Variants in RPS6KC1 observed in about 807,000 individuals in gnomAD.
RPS6KC1 encodes ribosomal protein S6 kinase C1.
Under a neutral mutation model 103.8 loss-of-function variants are expected in RPS6KC1, and 54 were observed. The ratio of observed to expected loss-of-function variants is 0.52; its 90% CI spans 0.42 to 0.65. The LOEUF is 0.65. Among genes scored for constraint, RPS6KC1 ranks in the 30% least tolerant of loss-of-function variants. RPS6KC1 has a pLI of 0.00. For synonymous variants in RPS6KC1, 439 were observed against 438.7 expected, an observed-to-expected ratio of 1.00 and a Z score of -0.01; for missense variants, 1,151 against 1,253.8, an observed-to-expected ratio of 0.92 and a Z score of 1.24.
the RPS6KC1 span, among the ~76,000 whole-genome samples, chr1:213,482,032 C>T: frequency 3.5e-3 from 534 of 152,294 alleles, 1 homozygote; most frequent in African/African-American, 0.012. Flanking sequence ...ATGTGAGACA[C>T]CTGCTCCTGC....
At chr1:213,077,583 A>G (rs1487752528) in intron 2 of RPS6KC1, 113 bp from the exon 3 acceptor site, 2 of 542,604 alleles carry the variant, frequency 3.7e-6, no homozygotes, top group Non-Finnish European at 6.3e-6. Context: ...TGTTTAGGAC[A>G]TGTGTTTGCC....
chr1:213,315,402 C>A, the RPS6KC1 span, among the ~76,000 whole-genome samples: 1 of 152,216 alleles, frequency 6.6e-6, no homozygotes, highest in African/African-American at 2.4e-5. Context: ...CACATTATAT[C>A]ATAAAGCCAA....
intron 3 of RPS6KC1, among the ~76,000 whole-genome samples, chr1:213,101,675 C>T (rs2082029526): frequency 6.6e-6 from 1 of 152,100 alleles, no homozygotes; most frequent in South Asian, 2.1e-4. Context: ...AAGATATTCT[C>T]AGGTAGTCTA....
the RPS6KC1 span, among the ~76,000 whole-genome samples, chr1:213,504,260 C>T: frequency 1.3e-5 from 2 of 152,202 alleles, no homozygotes; most frequent in African/African-American, 2.4e-5. Context: ...ATATTTCTTT[C>T]TCAAATAGAG....
chr1:213,670,661 C>T, the RPS6KC1 span, among the ~76,000 whole-genome samples: 2 of 152,184 alleles, frequency 1.3e-5, no homozygotes, highest in Non-Finnish European at 1.5e-5. Flanking sequence ...CAAACATCTG[C>T]ACCTGGGCTG....
At chr1:213,809,455 G>A in the RPS6KC1 span, among the ~76,000 whole-genome samples, 1 of 152,126 alleles carries the variant, frequency 6.6e-6, no homozygotes, top group South Asian at 2.1e-4. Context: ...AGCTCATGCT[G>A]TTGGAAAAAT....
chr1:213,768,825 A>T, the RPS6KC1 span, among the ~76,000 whole-genome samples: 1 of 152,106 alleles, frequency 6.6e-6, no homozygotes, highest in Non-Finnish European at 1.5e-5. Context: ...TGTGATTAAA[A>T]CTTTAAAAAG....
the RPS6KC1 span, among the ~76,000 whole-genome samples, chr1:213,281,640 C>T: frequency 3.9e-5 from 6 of 152,186 alleles, no homozygotes; most frequent in African/African-American, 7.2e-5. Flanking sequence ...GAGCAGGGAG[C>T]GACAGCCATC....
the RPS6KC1 span, among the ~76,000 whole-genome samples, chr1:213,593,483 C>A: frequency 2.0e-5 from 3 of 152,144 alleles, no homozygotes; most frequent in African/African-American, 7.2e-5. Flanking sequence ...CACACATACA[C>A]CCACACTTAG....
chr1:213,738,718 G>A, the RPS6KC1 span, among the ~76,000 whole-genome samples: 4 of 151,768 alleles, frequency 2.6e-5, no homozygotes, highest in Non-Finnish European at 5.9e-5. Flanking sequence ...AATAAGGCCG[G>A]GTGTGGTGTC....
At chr1:213,406,355 C>CT in the RPS6KC1 span, among the ~76,000 whole-genome samples, 49 of 151,410 alleles carry the variant, frequency 3.2e-4, no homozygotes, top group South Asian at 8.4e-4. Flanking sequence ...TTTTCCTTTC[C>CT]TTTTTTTTTA....
At chr1:213,463,920 G>A in the RPS6KC1 span, among the ~76,000 whole-genome samples, 1 of 152,158 alleles carries the variant, frequency 6.6e-6, no homozygotes, top group East Asian at 1.9e-4. Flanking sequence ...ATTGATATCA[G>A]AATAATCAAC....
At chr1:213,147,132 AT>A (rs2087956766) in intron 6 of RPS6KC1, among the ~76,000 whole-genome samples, 4 of 152,048 alleles carry the variant, frequency 2.6e-5, no homozygotes, top group Admixed American at 2.6e-4. Flanking sequence ...ATTTCCTCCC[AT>A]TCTATGGGCT....
At chr1:213,708,911 A>T in the RPS6KC1 span, among the ~76,000 whole-genome samples, 3 of 152,188 alleles carry the variant, frequency 2.0e-5, no homozygotes, top group African/African-American at 7.2e-5. Flanking sequence ...AGACTTGATC[A>T]TGGTGGATAA....
chr1:213,264,658 C>T (rs1173399744), intron 14 of RPS6KC1, among the ~76,000 whole-genome samples: 1 of 152,072 alleles, frequency 6.6e-6, no homozygotes, highest in African/African-American at 2.4e-5. Flanking sequence ...AGGAAACTAC[C>T]ACTCATGTTG....
the RPS6KC1 span, among the ~76,000 whole-genome samples, chr1:213,577,104 C>T: frequency 2.0e-5 from 3 of 151,644 alleles, no homozygotes; most frequent in East Asian, 1.9e-4. Flanking sequence ...CCCTGCATGT[C>T]GTGGGAGGGA....
chr1:213,428,522 T>TTCTCTC, the RPS6KC1 span, among the ~76,000 whole-genome samples: 5 of 45,842 alleles, frequency 1.1e-4, no homozygotes, highest in Non-Finnish European at 1.2e-4. Flanking sequence ...TCCTTCCTCT[T>TTCTCTC]TCTCTCTCTC....
At chr1:213,689,528 G>C in the RPS6KC1 span, among the ~76,000 whole-genome samples, 3 of 152,192 alleles carry the variant, frequency 2.0e-5, no homozygotes, top group African/African-American at 7.2e-5. Flanking sequence ...CAAGGTCTGT[G>C]TTCTCACACT....
chr1:213,281,027 T>C, the RPS6KC1 span, among the ~76,000 whole-genome samples: 3 of 144,514 alleles, frequency 2.1e-5, no homozygotes, highest in Admixed American at 2.0e-4. Context: ...TCCCCTCCCC[T>C]CCCCACCCAC....
Sources: allele counts gnomAD v4.1 joint callset (sites outside exome capture counted in the v4.1 genomes callset), GRCh38; gene constraint gnomAD v4.1.1; transcripts MANE v1.5; gene names NCBI Gene and HGNC (gene_info 2026-07-23, HGNC 2026-07-21).